The following PCDHGA3 variants were observed in gnomAD, a reference collection of about 807,000 sequenced individuals.
PCDHGA3 encodes protocadherin gamma subfamily A, 3, also known as protocadherin gamma-A3.
Under a neutral mutation model 58.5 loss-of-function variants are expected in PCDHGA3, and 40 were observed. The observed-to-expected ratio is 0.68, with a 90% CI of 0.53 to 0.89. PCDHGA3 has a LOEUF of 0.89. Among genes scored for constraint, PCDHGA3 ranks in the 40% least tolerant of loss-of-function variants. The probability of loss-of-function intolerance (pLI) is 0.00; values close to 1 mark genes in which losing one functional copy is unlikely to be tolerated. For missense variants in PCDHGA3, 1,223 were observed against 1,195.9 expected (o/e 1.02, Z -0.33); for synonymous variants, 530 against 525.7 (o/e 1.01, Z -0.11).
Position 141,432,084 on chromosome 5 carries a change from TG to T in PCDHGA3, c.2425-62721del. 6.2e-7 allele frequency: 1 copy of T among 1,614,186 alleles called. No homozygotes were observed. Among genetic ancestry groups the T allele is most frequent in the Non-Finnish European group, 8.5e-7 (1 of 1,180,034 alleles). ...ACGGAAACTCATATCTCGCTGAACG[TG>T]GCAGACACCAACGACAACCCGCCGG... On this transcript the variant is annotated intron_variant, in intron 1 of 3. Transcript: ENST00000253812. The surrounding 1 kb of genome is among the most constrained non-coding windows in gnomAD (Gnocchi z 6.0).
At chr5:141,392,799 T>A in intron 1 of PCDHGA3, 1 of 1,570,210 alleles carries the variant, frequency 6.4e-7, no homozygotes, top group Non-Finnish European at 8.6e-7. Flanking sequence ...GAGAGGATTC[T>A]GCAGCAAAAC....
At chr5:141,418,530 G>T in intron 1 of PCDHGA3, 6 of 1,613,952 alleles carry the variant, frequency 3.7e-6, no homozygotes, top group Non-Finnish European at 5.1e-6. Flanking sequence ...CCCCGAAGCG[G>T]TACTGCTCAG....
At chr5:141,373,462 G>C (rs1769608771) in intron 1 of PCDHGA3, among the ~76,000 whole-genome samples, 1 of 152,218 alleles carries the variant, frequency 6.6e-6, no homozygotes, top group African/African-American at 2.4e-5. Context: ...GGTAGCAGCT[G>C]CAATGAGCTA....
intron 1 of PCDHGA3, among the ~76,000 whole-genome samples, chr5:141,358,638 TAAGTAGATTC>T (rs936641490): frequency 2.8e-4 from 42 of 152,294 alleles, no homozygotes; most frequent in African/African-American, 9.4e-4. Context: ...CAGTCATATA[TAAGTAGATTC>T]TAGGAGTAAC....
At position 141,487,080 on chromosome 5, in the gene PCDHGA3, C is replaced by G. The variant is rs2154580766; in HGVS notation, c.2425-7727C>G. 1 of 1,614,126 alleles carries G rather than the reference C, an allele frequency of 6.2e-7. No individual in the cohort carries two copies. Among genetic ancestry groups the G allele is most frequent in the East Asian group, 2.2e-5 (1 of 44,872 alleles). On this transcript the variant is annotated intron_variant, in intron 1 of 3. Coordinates refer to ENST00000253812, the MANE Select transcript of PCDHGA3 (RefSeq NM_018916.4). This position sits in a 1 kb window ranked among gnomAD's most constrained non-coding sequence, Gnocchi z 5.0. ...GTGCGGACGGCTGTTCCTATCCCAG[C>G]TGACCTCCCACCACAGAAGCTGGTC...
intron 1 of PCDHGA3, chr5:141,390,402 A>G: frequency 1.5e-6 from 2 of 1,321,630 alleles, no homozygotes; most frequent in Non-Finnish European, 2.1e-6. Flanking sequence ...CATTTTAGGA[A>G]AGTTGTAGTC....
intron 1 of PCDHGA3, chr5:141,361,349 T>C (rs1459363979): frequency 1.2e-6 from 2 of 1,613,856 alleles, no homozygotes; most frequent in Non-Finnish European, 1.7e-6. Context: ...TACAAACTAG[T>C]GACAGACGGC....
chr5:141,395,070 T>G lies in PCDHGA3; in HGVS notation c.2424+48613T>G. Reference sequence around the variant, plus strand: ...GGAGGTACAGGCTTTCCTGCAGACCTATTCCCAGGAAGTCTCCCTCACCGC... The same window carrying G: ...GGAGGTACAGGCTTTCCTGCAGACCGATTCCCAGGAAGTCTCCCTCACCGC... On this transcript the variant is annotated intron_variant, in intron 1 of 3. Transcript: ENST00000253812. 1 of 1,614,158 alleles carries G rather than the reference T, an allele frequency of 6.2e-7. No homozygotes were observed. The highest frequency in any genetic ancestry group is 1.3e-5 in the African/African-American group (1 of 75,046).
chr5:141,427,705 C>T (rs2097059995), intron 1 of PCDHGA3: 1 of 983,052 alleles, frequency 1.0e-6, no homozygotes, highest in African/African-American at 1.6e-5. Flanking sequence ...CAAGTCAGCG[C>T]CTCTGACCTG....
At chr5:141,403,646 G>A in intron 1 of PCDHGA3, 1 of 1,613,950 alleles carries the variant, frequency 6.2e-7, no homozygotes, top group Non-Finnish European at 8.5e-7. Context: ...CCATGTGACA[G>A]TGTTGGATAC....
At chr5:141,396,724 A>G (rs957039654) in intron 1 of PCDHGA3, 1 of 152,212 alleles carries the variant, frequency 6.6e-6, no homozygotes, top group African/African-American at 2.4e-5. Flanking sequence ...TAATACCTGA[A>G]TTGATTGTTG....
At chr5:141,502,767 C>T (rs970206343) in intron 2 of PCDHGA3, among the ~76,000 whole-genome samples, 1 of 151,756 alleles carries the variant, frequency 6.6e-6, no homozygotes, top group East Asian at 1.9e-4. Flanking sequence ...TGCTGGTATT[C>T]TTCTGAAAAT....
At chr5:141,393,195 G>A (rs1359316660) in intron 1 of PCDHGA3, 6 of 1,613,316 alleles carry the variant, frequency 3.7e-6, no homozygotes, top group South Asian at 1.1e-5. Context: ...TGATATTAAC[G>A]ATAATAACCC....
Position 141,346,204 on chromosome 5 carries a change from T to C in PCDHGA3, c.2171T>C (p.Leu724Pro). 1 of 1,614,134 alleles carries C rather than the reference T, an allele frequency of 6.2e-7. No homozygotes were observed. The highest frequency in any genetic ancestry group is 8.5e-7 in the Non-Finnish European group (1 of 1,180,000). The change falls in exon 1 of 4, where the codon CTG (leucine) becomes CCG (proline). Residue 724 changes from leucine to proline, a missense_variant. Physicochemically the swap from Leu to Pro is moderately conservative, Grantham distance 98. Transcript: ENST00000253812. The stretch of plus-strand genomic sequence containing the variant: ...CTGCGGCGCTGGCACAAGTCACGCC[T>C]GCTGCAGGCTTCGGGAGGCGGCTTG... ...LRLRRWHKSR[L>P]LQASGGGLAS...
In PCDHGA3 at chr5:141,493,145, AG is replaced by A. The variant is rs11350413; in HGVS notation, c.2425-1660del. Among the ~76,000 whole-genome samples the A allele has an allele frequency of 0.17, 26,475 of 152,128 alleles. 2,528 individuals carry two copies. The highest frequency in any genetic ancestry group is 0.28 in the Admixed American group (4,206 of 15,272). ...TAGGACTGTATTTTGAAACACCCCC[AG>A]GTGATTTTGATAGCTGATTGAGAGA... is the stretch of plus-strand genomic sequence containing the variant. On this transcript the variant is annotated intron_variant, in intron 1 of 3. Transcript: ENST00000253812. The surrounding 1 kb of genome is among the most constrained non-coding windows in gnomAD (Gnocchi z 4.3).
chr5:141,501,130 G>C (rs528942194), intron 2 of PCDHGA3, among the ~76,000 whole-genome samples: 1 of 152,218 alleles, frequency 6.6e-6, no homozygotes, highest in South Asian at 2.1e-4. Flanking sequence ...GCCTCCCTAA[G>C]TGCTGGGATT....
Position 141,345,140 on chromosome 5 carries a change from C to T in PCDHGA3, c.1107C>T (p.Ile369=), listed in dbSNP as rs1446144250. 2.5e-6 allele frequency: 4 copies of T among 1,613,798 alleles called. No homozygotes were observed. The highest frequency in any genetic ancestry group is 2.5e-6 in the Non-Finnish European group (3 of 1,179,878). The part of the protein sequence containing the change: ...EGTVGREIAL[I]DVHDRDSGQN... Reference sequence around the variant, plus strand: ...CCGTTGGAAGAGAAATTGCTCTTATCGACGTGCATGACCGAGATTCTGGGC... The same window carrying T: ...CCGTTGGAAGAGAAATTGCTCTTATTGACGTGCATGACCGAGATTCTGGGC... Residue 369 remains isoleucine (I), a synonymous_variant, in exon 1 of 4, where the codon ATC becomes ATT. Transcript: ENST00000253812.
At chr5:141,388,376 C>A in intron 1 of PCDHGA3, 1 of 1,613,944 alleles carries the variant, frequency 6.2e-7, no homozygotes, top group Non-Finnish European at 8.5e-7. Context: ...ATATTGGTAG[C>A]AACACACTGC....
intron 1 of PCDHGA3, chr5:141,428,368 C>A (rs1403173774): frequency 1.3e-5 from 7 of 544,884 alleles, no homozygotes; most frequent in Non-Finnish European, 2.4e-5. Flanking sequence ...GGTCGCCTTG[C>A]ACCTGCGATG....
Sources: gnomAD v4.1 joint callset for allele counts (sites outside exome capture counted in the v4.1 genomes callset) on GRCh38, gnomAD v4.1.1 for gene constraint, Gnocchi (gnomAD v3.1) non-coding constraint, MANE v1.5 for transcripts, NCBI Gene and HGNC (gene_info 2026-07-23, HGNC 2026-07-21) for gene names.